The following ERBB4 variants were observed in gnomAD, a reference collection of about 807,000 sequenced individuals.
ERBB4 encodes erb-b2 receptor tyrosine kinase 4.
In ERBB4, 42 loss-of-function variants were observed where a neutral mutation model predicts 158.0. That is an observed-to-expected ratio of 0.27 (90% CI 0.21 to 0.34). The LOEUF is 0.34. ERBB4 is among the 10% of genes least tolerant of loss of function. The pLI, the probability that ERBB4 is intolerant of heterozygous loss-of-function variation, is 1.00. For missense variants in ERBB4, 1,333 were observed against 1,624.1 expected (o/e 0.82, Z 3.08); for synonymous variants, 583 against 558.7 (o/e 1.04, Z -0.61).
Position 211,623,932 on chromosome 2 carries a change from G to T in ERBB4, c.2192C>A (p.Thr731Lys), listed in dbSNP as rs374970657. The T allele has an allele frequency of 6.2e-7, 1 of 1,613,890 alleles. No homozygotes were observed. The highest frequency in any genetic ancestry group is 8.5e-7 in the Non-Finnish European group (1 of 1,179,922). ...TTGTTTTTTACTTACTTTATAAACCGTTCCAAAAGCACCTGAGCCAAGGAC... is the reference window on the plus strand; with the variant it reads ...TTGTTTTTTACTTACTTTATAAACCTTTCCAAAAGCACCTGAGCCAAGGAC... Reference protein sequence around the residue: ...VKVLGSGAFGTVYKGIWVPEG... With the variant: ...VKVLGSGAFGKVYKGIWVPEG... The change falls in exon 18 of 28, where the codon ACG (threonine) becomes AAG (lysine). Residue 731 changes from threonine (T) to lysine (K), a missense_variant. Transcript: ENST00000342788.
chr2:212,247,796 T>A (rs2084366910), intron 1 of ERBB4, among the ~76,000 whole-genome samples: 1 of 152,094 alleles, frequency 6.6e-6, no homozygotes, highest in African/African-American at 2.4e-5. Flanking sequence ...AAACCCCATC[T>A]CTGCTGAAAA....
chr2:211,697,872 G>C (rs1163579802), intron 12 of ERBB4, among the ~76,000 whole-genome samples: 1 of 152,130 alleles, frequency 6.6e-6, no homozygotes, highest in African/African-American at 2.4e-5. Flanking sequence ...CCACATCTAA[G>C]TTTTTAGCCT....
chr2:211,981,804 A>G lies in ERBB4; in HGVS notation c.235-34188T>C, dbSNP rs148977001. 1.4e-4 allele frequency among the ~76,000 whole-genome samples: 22 copies of G among 152,312 alleles called. 1 individual carries two copies. The East Asian group carries it at 4.1e-3, about 28-fold the overall frequency. Reference sequence around the variant, plus strand: ...ATTTGCATTTGCCTCTGAAATCCACATGAGTATGTGCACATGAGCTCTCTC... The same window carrying G: ...ATTTGCATTTGCCTCTGAAATCCACGTGAGTATGTGCACATGAGCTCTCTC... On this transcript the variant is annotated intron_variant, in intron 2 of 27. Coordinates refer to ENST00000342788, the MANE Select transcript of ERBB4 (RefSeq NM_005235.3).
intron 16 of ERBB4, among the ~76,000 whole-genome samples, chr2:211,631,385 A>C (rs2070123835): frequency 6.6e-6 from 1 of 152,208 alleles, no homozygotes; most frequent in Admixed American, 6.5e-5. Flanking sequence ...GAATTGGTTC[A>C]GACATGTTTT....
At chr2:212,077,721 G>A (rs966637776) in intron 2 of ERBB4, among the ~76,000 whole-genome samples, 5 of 152,100 alleles carry the variant, frequency 3.3e-5, no homozygotes. Flanking sequence ...TATACTTTGT[G>A]ATAATTGATG....
chr2:211,902,411 G>C (rs965223210), intron 3 of ERBB4, among the ~76,000 whole-genome samples: 1 of 151,840 alleles, frequency 6.6e-6, no homozygotes, highest in African/African-American at 2.4e-5. Flanking sequence ...GAAAAATTTG[G>C]TTCCTATTTC....
intron 3 of ERBB4, among the ~76,000 whole-genome samples, chr2:211,886,800 T>C (rs1042598980): frequency 3.3e-5 from 5 of 152,208 alleles, no homozygotes; most frequent in Non-Finnish European, 5.9e-5. Flanking sequence ...CTATTACTTG[T>C]ATGGGCTCAA....
chr2:212,006,268 T>A lies in ERBB4; in HGVS notation c.235-58652A>T, dbSNP rs950998796. Among the ~76,000 whole-genome samples, 30 of 152,220 alleles carry A rather than the reference T, an allele frequency of 2.0e-4. No individual in the cohort carries two copies. The Middle Eastern group carries it at 0.014, about 69-fold the overall frequency. On this transcript the variant is annotated intron_variant, in intron 2 of 27. Transcript: ENST00000342788. Reference sequence around the variant, plus strand: ...TAAATATTTCAATATATAAATAAACTTTCAGTGTATAAAAACAAATTTATA... The same window carrying A: ...TAAATATTTCAATATATAAATAAACATTCAGTGTATAAAAACAAATTTATA...
At chr2:212,193,432 A>G (rs752531264) in intron 1 of ERBB4, among the ~76,000 whole-genome samples, 5 of 152,082 alleles carry the variant, frequency 3.3e-5, no homozygotes, top group Non-Finnish European at 7.4e-5. Flanking sequence ...CTCTAGTTTA[A>G]TACCTGCTGG....
chr2:211,705,407 G>C lies in ERBB4; in HGVS notation c.1125-16C>G. Reference sequence around the variant, plus strand: ...GTAAGGGTCCCTAGAAAATCAAGAAGAGATGTAGCCAAATTTAAATTTTAC... The same window carrying C: ...GTAAGGGTCCCTAGAAAATCAAGAACAGATGTAGCCAAATTTAAATTTTAC... On this transcript the variant is annotated splice_polypyrimidine_tract_variant and intron_variant, in intron 9 of 27. Transcript: ENST00000342788. The C allele has an allele frequency of 6.5e-7, 1 of 1,528,070 alleles. No homozygotes were observed. The allele number at this position is 1,528,070 out of a possible 1,614,324, so 94.7% of individuals were successfully genotyped here.
chr2:211,673,289 A>G, intron 13 of ERBB4, 32 bp from the exon 14 acceptor site: 1 of 1,471,480 alleles, frequency 6.8e-7, no homozygotes, highest in Non-Finnish European at 9.5e-7. Flanking sequence ...GAGGAGGTGT[A>G]AGCAAACAAG....
intron 3 of ERBB4, among the ~76,000 whole-genome samples, chr2:211,835,141 G>T (rs1165898629): frequency 6.6e-6 from 1 of 151,844 alleles, no homozygotes; most frequent in Admixed American, 6.6e-5. Context: ...AATAATGGGG[G>T]ATCTTATTGG....
intron 1 of ERBB4, among the ~76,000 whole-genome samples, chr2:212,296,836 A>G (rs548132959): frequency 6.6e-6 from 1 of 152,056 alleles, no homozygotes; most frequent in Non-Finnish European, 1.5e-5. Flanking sequence ...CTTAGAGACT[A>G]ACCACACCCA....
intron 2 of ERBB4, among the ~76,000 whole-genome samples, chr2:211,954,618 C>T (rs563569195): frequency 1.3e-5 from 2 of 152,068 alleles, no homozygotes; most frequent in South Asian, 4.1e-4. Flanking sequence ...CCTGTAGTAT[C>T]ACAGAGAAGA....
chr2:212,027,258 G>A (rs1474421119), intron 2 of ERBB4, among the ~76,000 whole-genome samples: 2 of 151,876 alleles, frequency 1.3e-5, no homozygotes, highest in African/African-American at 2.4e-5. Context: ...ATTTAACCAT[G>A]GAAAATATAA....
intron 2 of ERBB4, among the ~76,000 whole-genome samples, chr2:212,024,182 G>C (rs1387370374): frequency 6.6e-6 from 1 of 151,864 alleles, no homozygotes. Flanking sequence ...AATGGACACA[G>C]AGTGTTTCAT....
intron 2 of ERBB4, among the ~76,000 whole-genome samples, chr2:212,116,716 G>A (rs1478203126): frequency 1.3e-5 from 2 of 152,178 alleles, no homozygotes; most frequent in African/African-American, 2.4e-5. Flanking sequence ...GATTACAGGT[G>A]TGAGTCACAG....
At chr2:211,756,723 C>A (rs984413541) in intron 4 of ERBB4, among the ~76,000 whole-genome samples, 1 of 152,152 alleles carries the variant, frequency 6.6e-6, no homozygotes, top group Non-Finnish European at 1.5e-5. Flanking sequence ...TCCAGAGATT[C>A]TGAGGTTGAC....
intron 1 of ERBB4, among the ~76,000 whole-genome samples, chr2:212,444,452 G>T (rs1211640454): frequency 6.6e-6 from 1 of 152,160 alleles, no homozygotes. Flanking sequence ...TTAGAAAATT[G>T]GTGACAAAGA....
Sources: gnomAD v4.1 joint callset for allele counts (sites outside exome capture counted in the v4.1 genomes callset) on GRCh38, gnomAD v4.1.1 for gene constraint, MANE v1.5 for transcripts, NCBI Gene and HGNC (gene_info 2026-07-23, HGNC 2026-07-21) for gene names.